The following CFAP298 variants were observed in gnomAD, a reference collection of about 807,000 sequenced individuals.
CFAP298 encodes the protein cilia- and flagella-associated protein 298.
CFAP298 carries 38 observed loss-of-function variants against 41.0 expected under a neutral mutation model. The observed-to-expected ratio is 0.93, with a 90% CI of 0.72 to 1.22. CFAP298 has a LOEUF of 1.22. Among genes scored for constraint, CFAP298 ranks in the 50% most tolerant of loss-of-function variants. The probability of loss-of-function intolerance (pLI) is 0.00; values close to 1 mark genes in which losing one functional copy is unlikely to be tolerated. For synonymous variants in CFAP298, 137 were observed against 135.3 expected (o/e 1.01, Z -0.09); for missense variants, 348 against 360.3 (o/e 0.97, Z 0.28).
chr21:32,604,353 A>G (rs1733935296), intron 3 of CFAP298, 70 bp from the exon 4 acceptor site: 2 of 1,557,646 alleles, frequency 1.3e-6, no homozygotes, highest in South Asian at 2.2e-5. Flanking sequence ...AAGATCTTGT[A>G]CAAGACCCTT....
intron 1 of CFAP298, among the ~76,000 whole-genome samples, chr21:32,610,786 T>G (rs2038971311): frequency 6.6e-6 from 1 of 152,176 alleles, no homozygotes; most frequent in Non-Finnish European, 1.5e-5. Context: ...TATAATGTAA[T>G]CAATACATTT....
intron 2 of CFAP298, among the ~76,000 whole-genome samples, chr21:32,608,877 A>AT (rs2038927357): frequency 6.6e-6 from 1 of 152,154 alleles, no homozygotes; most frequent in African/African-American, 2.4e-5. Flanking sequence ...AAAAAAATGT[A>AT]TTTTTGAGCT....
rs1968242192 is a variant in CFAP298, at chr21:32,612,308, G to A, written c.-65C>T. The stretch of plus-strand genomic sequence containing the variant: ...GGCTGCGTGGCCCGCGGGTCCTGCC[G>A]GCCGAGGGTCGCCGGATCGCCAGCA... On this transcript the variant is annotated 5_prime_UTR_variant, in exon 1 of 7. Coordinates refer to ENST00000290155, the MANE Select transcript of CFAP298 (RefSeq NM_021254.4). The A allele has an allele frequency of 6.7e-7, 1 of 1,486,986 alleles. No homozygotes were observed. Among genetic ancestry groups the A allele is most frequent in the Admixed American group, 2.3e-5 (1 of 42,586 alleles). The allele number at this position is 1,486,986 out of a possible 1,614,324, so 92.1% of individuals were successfully genotyped here. A position where few individuals can be genotyped will look rare whatever the true frequency, so the allele number is the denominator to read the frequency against.
In CFAP298 at chr21:32,609,665, G is replaced by A. The variant is rs111282092; in HGVS notation, c.307+173C>T. 1.7e-3 allele frequency among the ~76,000 whole-genome samples: 261 copies of A among 152,210 alleles called. 4 individuals are homozygous for A. Among genetic ancestry groups the A allele is most frequent in the African/African-American group, 6.0e-3 (250 of 41,546 alleles). On this transcript the variant is annotated intron_variant, in intron 2 of 6. Transcript: ENST00000290155. ...CTGTAGTCCCAGCTACTCAAGAGGC[G>A]GAGGCAGGAGAATCGCTTGAACCTG...
In CFAP298 at chr21:32,602,258, C is replaced by G. The variant is rs768339606; in HGVS notation, c.762+14G>C. ...GGCGCCAGCACTGCAGAAAGCCCATCTGTCCCCTGCTACCTTGAGCTCCTC... is the reference window on the plus strand; with the variant it reads ...GGCGCCAGCACTGCAGAAAGCCCATGTGTCCCCTGCTACCTTGAGCTCCTC... On this transcript the variant is annotated intron_variant, in intron 6 of 6. Coordinates refer to ENST00000290155, the MANE Select transcript of CFAP298 (RefSeq NM_021254.4). 3 of 1,613,232 alleles carry G rather than the reference C, an allele frequency of 1.9e-6. No homozygotes were observed. Among genetic ancestry groups the G allele is most frequent in the South Asian group, 2.2e-5 (2 of 91,064 alleles).
intron 4 of CFAP298, 80 bp from the exon 5 acceptor site, chr21:32,603,372 G>T (rs1334560034): frequency 2.0e-6 from 3 of 1,497,140 alleles, no homozygotes; most frequent in Non-Finnish European, 2.8e-6. Context: ...CCCAGCAGGG[G>T]GCAGGGGACA....
chr21:32,601,969 A>C lies in CFAP298; in HGVS notation c.767T>G (p.Leu256Trp), dbSNP rs2038751152. 6.4e-7 allele frequency: 1 copy of C among 1,560,000 alleles called. No individual in the cohort carries two copies. Reference sequence around the variant, plus strand: ...ATAGGCATCATCATCATTTTCTTCCAATCTCTGGAAATAAGTATGTTTTAT... The same window carrying C: ...ATAGGCATCATCATCATTTTCTTCCCATCTCTGGAAATAAGTATGTTTTAT... The part of the protein sequence containing the change: ...YHRRQEELKR[L>W]EENDDDAYLN... The change falls in exon 7 of 7, where the codon TTG (leucine) becomes TGG (tryptophan). Residue 256 changes from leucine (L) to tryptophan (W), a missense_variant. Coordinates refer to ENST00000290155, the MANE Select transcript of CFAP298 (RefSeq NM_021254.4).
rs2038708540 is a variant in CFAP298 at position 32,599,879 on chromosome 21, G to A, written c.*1984C>T. The stretch of plus-strand genomic sequence containing the variant: ...GAGAGAGGATGGTTCTTCTCGCATG[G>A]GTATTTAAGGAGTGTAGTGTCATGC... On this transcript the variant is annotated 3_prime_UTR_variant, in exon 7 of 7. Coordinates refer to ENST00000290155, the MANE Select transcript of CFAP298 (RefSeq NM_021254.4). Among the ~76,000 whole-genome samples, 1 of 152,172 alleles carries A rather than the reference G, an allele frequency of 6.6e-6. No individual in the cohort carries two copies. The highest frequency in any genetic ancestry group is 2.4e-5 in the African/African-American group (1 of 41,436).
In CFAP298 at chr21:32,612,347, A is replaced by C; in HGVS notation, c.-104T>G. ...GGATCGCCAGCAGCTGCGACGCACT[A>C]ACAGCCGCTCACAGTCCGGAATCCC... On this transcript the variant is annotated 5_prime_UTR_variant, in exon 1 of 7. Coordinates refer to ENST00000290155, the MANE Select transcript of CFAP298 (RefSeq NM_021254.4). 2.8e-6 allele frequency: 4 copies of C among 1,446,988 alleles called. No individual in the cohort carries two copies. In the South Asian group the frequency reaches 5.8e-5, roughly 21 times the overall value. 89.6% of individuals were successfully genotyped at this position (1,446,988 alleles called of 1,614,324 possible). A position where few individuals can be genotyped will look rare whatever the true frequency, so the allele number is the denominator to read the frequency against.
chr21:32,603,608 G>T (rs1208695668), intron 4 of CFAP298, among the ~76,000 whole-genome samples: 1 of 152,216 alleles, frequency 6.6e-6, no homozygotes, highest in Non-Finnish European at 1.5e-5. Context: ...ATCGTGCTGG[G>T]TGTTTAAATC....
rs140818046 is a variant in CFAP298 at position 32,608,159 on chromosome 21, A to G, written c.308-443T>C. Among the ~76,000 whole-genome samples, 321 of 149,392 alleles carry G rather than the reference A, an allele frequency of 2.1e-3. 4 individuals are homozygous for G. Among genetic ancestry groups the G allele is most frequent in the African/African-American group, 7.7e-3 (309 of 40,350 alleles). ...TACAATAGGCAGCTGGCTAAATTTG[A>G]CCTGTAGCCCATAATTTGGTGACCC... On this transcript the variant is annotated intron_variant, in intron 2 of 6. Coordinates refer to ENST00000290155, the MANE Select transcript of CFAP298 (RefSeq NM_021254.4).
intron 4 of CFAP298, 36 bp downstream of exon 4, chr21:32,604,089 C>T (rs376106513): frequency 1.9e-6 from 3 of 1,601,054 alleles, no homozygotes; most frequent in Non-Finnish European, 2.6e-6. Context: ...GGGCCAGGAA[C>T]TCAACCTCCA....
At chr21:32,602,908 T>TA (rs2038776933) in intron 5 of CFAP298, 1 of 1,269,676 alleles carries the variant, frequency 7.9e-7, no homozygotes, top group Non-Finnish European at 1.1e-6. Context: ...GCCCTATTTT[T>TA]ACGCTTGAAA....
At chr21:32,607,325 G>A (rs1170329191) in intron 3 of CFAP298, among the ~76,000 whole-genome samples, 2 of 152,092 alleles carry the variant, frequency 1.3e-5, no homozygotes, top group Non-Finnish European at 2.9e-5. Context: ...CGGGCGCGGT[G>A]GCTCATGCCT....
intron 2 of CFAP298, among the ~76,000 whole-genome samples, chr21:32,608,023 C>T (rs966761533): frequency 6.6e-6 from 1 of 152,086 alleles, no homozygotes; most frequent in Non-Finnish European, 1.5e-5. Context: ...AAATTTGAGG[C>T]TTTGCAGGCC....
At chr21:32,611,426 TTTAA>T (rs2038997868) in intron 1 of CFAP298, among the ~76,000 whole-genome samples, 3 of 145,454 alleles carry the variant, frequency 2.1e-5, no homozygotes, top group African/African-American at 7.9e-5. Context: ...TTTATATATA[TTTAA>T]TTAATTAAAA....
chr21:32,603,280 C>T lies in CFAP298; in HGVS notation c.547G>A (p.Val183Ile), dbSNP rs373153603. The change falls in exon 5 of 7, where the codon GTC becomes ATC. Residue 183 changes from valine to isoleucine, a missense_variant. Physicochemically the swap from Val to Ile is conservative, Grantham distance 29. Coordinates refer to ENST00000290155, the MANE Select transcript of CFAP298 (RefSeq NM_021254.4). ...DLSGTQAGLN[V>I]IKEAEAQLWW... is the part of the protein sequence containing the mutation. Reference sequence around the variant, plus strand: ...AGCTGCGCCTCTGCCTCTTTAATGACGTTGAGCCCTGCCTGGGGCCAGTCG... The same window carrying T: ...AGCTGCGCCTCTGCCTCTTTAATGATGTTGAGCCCTGCCTGGGGCCAGTCG... The T allele has an allele frequency of 1.5e-5, 25 of 1,613,918 alleles. No individual in the cohort carries two copies. The highest frequency in any genetic ancestry group is 2.2e-5 in the East Asian group (1 of 44,894).
chr21:32,609,050 G>A (rs1197047736), intron 2 of CFAP298, among the ~76,000 whole-genome samples: 1 of 152,174 alleles, frequency 6.6e-6, no homozygotes, highest in Non-Finnish European at 1.5e-5. Context: ...TGAAAGGAGA[G>A]GAATTTCCTC....
intron 5 of CFAP298, 189 bp downstream of exon 5, chr21:32,602,972 G>T: frequency 2.0e-6 from 2 of 1,011,298 alleles, no homozygotes; most frequent in East Asian, 2.6e-5. Flanking sequence ...CTAGATATTG[G>T]TACTCAATCC....
Sources: gnomAD v4.1 joint callset for allele counts (sites outside exome capture counted in the v4.1 genomes callset) on GRCh38, gnomAD v4.1.1 for gene constraint, MANE v1.5 for transcripts, NCBI Gene and HGNC (gene_info 2026-07-23, HGNC 2026-07-21) for gene names.